LRIG1: variants seen among roughly 807,000 people sequenced by gnomAD.
LRIG1 encodes leucine-rich repeats and immunoglobulin-like domains protein 1.
In LRIG1, 48 loss-of-function variants were observed where a neutral mutation model predicts 99.2. That is an observed-to-expected ratio of 0.48 (90% CI 0.38 to 0.62). The LOEUF is 0.62. Among genes scored for constraint, LRIG1 ranks in the 20% least tolerant of loss-of-function variants. The pLI, the probability that LRIG1 is intolerant of heterozygous loss-of-function variation, is 0.00. For missense variants in LRIG1, 1,646 were observed against 1,434.4 expected (o/e 1.15, Z -2.38); for synonymous variants, 772 against 596.1 (o/e 1.29, Z -4.30).
chr3:66,441,797 A>G (rs1042457672), intron 3 of LRIG1, among the ~76,000 whole-genome samples: 5 of 152,228 alleles, frequency 3.3e-5, no homozygotes, highest in African/African-American at 1.2e-4. Flanking sequence ...CCAAGTGTAC[A>G]GTGAGCATAA....
At chr3:66,434,690 T>C (rs1703288664) in intron 3 of LRIG1, among the ~76,000 whole-genome samples, 1 of 146,874 alleles carries the variant, frequency 6.8e-6, no homozygotes, top group African/African-American at 2.5e-5. Context: ...GAGGTTGCAG[T>C]GAGCAGAAAT....
intron 1 of LRIG1, among the ~76,000 whole-genome samples, chr3:66,463,041 G>T (rs1158587106): frequency 1.3e-5 from 2 of 152,148 alleles, no homozygotes; most frequent in African/African-American, 4.8e-5. Flanking sequence ...GTGGCAGGGA[G>T]TGGGGGGTGT....
intron 8 of LRIG1, chr3:66,406,210 T>G (rs953344988): frequency 4.1e-6 from 4 of 985,444 alleles, no homozygotes; most frequent in Non-Finnish European, 4.8e-6. Context: ...GAAGGTCAAA[T>G]AGTGGAGATT....
chr3:66,392,593 C>T (rs983218144), intron 12 of LRIG1, among the ~76,000 whole-genome samples: 10 of 141,462 alleles, frequency 7.1e-5, no homozygotes, highest in African/African-American at 1.3e-4. Context: ...TAACACCTGA[C>T]GTTTTTAGAG....
chr3:66,462,358 G>A, intron 2 of LRIG1, 80 bp downstream of exon 2: 1 of 985,168 alleles, frequency 1.0e-6, no homozygotes, highest in Non-Finnish European at 1.6e-6. Context: ...CTAGGGGAGT[G>A]AGCGATGCTG....
intron 3 of LRIG1, among the ~76,000 whole-genome samples, chr3:66,419,328 G>A (rs372072622): frequency 2.2e-4 from 33 of 152,158 alleles, no homozygotes; most frequent in African/African-American, 4.1e-4. Context: ...CTTTTCATTC[G>A]CTGAATCAAA....
intron 4 of LRIG1, among the ~76,000 whole-genome samples, chr3:66,416,606 A>G (rs942427179): frequency 6.6e-6 from 1 of 152,174 alleles, no homozygotes; most frequent in African/African-American, 2.4e-5. Context: ...GAAACAGACA[A>G]ATCTAAAAGG....
At chr3:66,454,673 G>A (rs1332897233) in intron 2 of LRIG1, among the ~76,000 whole-genome samples, 1 of 152,148 alleles carries the variant, frequency 6.6e-6, no homozygotes, top group Non-Finnish European at 1.5e-5. Context: ...GCCAGACCCT[G>A]GGGCTAGAGA....
chr3:66,413,144 G>A (rs1702522622), intron 5 of LRIG1, 130 bp from the exon 6 acceptor site: 3 of 1,007,024 alleles, frequency 3.0e-6, no homozygotes, highest in Non-Finnish European at 4.5e-6. Context: ...TGGGAAGCCA[G>A]GATGTGTAGG....
intron 1 of LRIG1, among the ~76,000 whole-genome samples, chr3:66,499,890 T>C (rs9857143): frequency 0.012 from 1,319 of 107,162 alleles, 27 homozygotes; most frequent in African/African-American, 0.044. Context: ...CACCCCCAGA[T>C]GGCCCGCACG....
At chr3:66,414,001 C>T (rs1046559624) in intron 5 of LRIG1, among the ~76,000 whole-genome samples, 2 of 152,102 alleles carry the variant, frequency 1.3e-5, no homozygotes, top group Non-Finnish European at 2.9e-5. Context: ...AAAAGTCCTT[C>T]GTCAGGCTCT....
chr3:66,482,184 C>T (rs923075853), intron 1 of LRIG1, among the ~76,000 whole-genome samples: 1 of 152,250 alleles, frequency 6.6e-6, no homozygotes, highest in Admixed American at 6.5e-5. Context: ...CACGCGTCCA[C>T]ATCTGTTTAA....
At chr3:66,420,854 C>A (rs1702785244) in intron 3 of LRIG1, among the ~76,000 whole-genome samples, 2 of 152,262 alleles carry the variant, frequency 1.3e-5, no homozygotes. Context: ...TAAAGACATA[C>A]CTGAGACTGG....
intron 13 of LRIG1, among the ~76,000 whole-genome samples, chr3:66,385,757 C>A (rs558398172): frequency 1.3e-5 from 2 of 152,322 alleles, no homozygotes; most frequent in Non-Finnish European, 2.9e-5. Flanking sequence ...CGGCCAATAA[C>A]TAGATTTTTA....
chr3:66,487,055 G>A (rs569973660), intron 1 of LRIG1, among the ~76,000 whole-genome samples: 17 of 152,228 alleles, frequency 1.1e-4, no homozygotes, highest in Admixed American at 1.3e-4. Flanking sequence ...ACTCCACGGC[G>A]TCTGGCACCA....
intron 1 of LRIG1, among the ~76,000 whole-genome samples, chr3:66,480,381 C>T (rs566066347): frequency 3.3e-5 from 5 of 151,696 alleles, no homozygotes; most frequent in East Asian, 1.9e-4. Context: ...TTAGTAGTTA[C>T]GCAAATCTAC....
chr3:66,460,381 C>T (rs765772492), intron 2 of LRIG1, among the ~76,000 whole-genome samples: 1 of 152,204 alleles, frequency 6.6e-6, no homozygotes, highest in Admixed American at 6.5e-5. Flanking sequence ...GGTTTATCAT[C>T]TTGGTGACTA....
At chr3:66,444,778 C>A (rs1178337638) in intron 3 of LRIG1, among the ~76,000 whole-genome samples, 1 of 152,116 alleles carries the variant, frequency 6.6e-6, no homozygotes, top group Non-Finnish European at 1.5e-5. Flanking sequence ...CCAGAAGAAA[C>A]AATCAGTTCA....
intron 15 of LRIG1, 114 bp from the exon 16 acceptor site, chr3:66,382,512 T>C (rs1046667859): frequency 6.8e-6 from 8 of 1,180,710 alleles, no homozygotes; most frequent in African/African-American, 4.7e-5. Flanking sequence ...ATCAGCGCTG[T>C]GCAGAGAGAT....
Sources: allele counts gnomAD v4.1 joint callset (sites outside exome capture counted in the v4.1 genomes callset), GRCh38; gene constraint gnomAD v4.1.1; transcripts MANE v1.5; gene names NCBI Gene and HGNC (gene_info 2026-07-23, HGNC 2026-07-21).